The following FMN2 variants were observed in gnomAD, a reference collection of about 807,000 sequenced individuals.
The protein encoded by FMN2 is formin 2, also known as formin-2.
A neutral mutation model predicts 142.3 loss-of-function variants in FMN2; 51 were observed. That is an observed-to-expected ratio of 0.36 (90% CI 0.29 to 0.45). The LOEUF (loss-of-function observed/expected upper bound fraction) is 0.45. FMN2 is among the 20% of genes least tolerant of loss of function. The pLI is 1.00. For synonymous variants in FMN2, 882 were observed against 869.8 expected, an observed-to-expected ratio of 1.01 and a Z score of -0.25; for missense variants, 1,936 against 2,122.8, an observed-to-expected ratio of 0.91 and a Z score of 1.73.
chr1:240,188,225 C>T lies in FMN2; in HGVS notation c.1949C>T (p.Ser650Leu), dbSNP rs1665562262. Reference sequence around the variant, plus strand: ...AATCTAGAATCTCAATCTGCTGTTTCAGAAACTCCCCAAAAACGCTCAGAT... The same window carrying T: ...AATCTAGAATCTCAATCTGCTGTTTTAGAAACTCCCCAAAAACGCTCAGAT... ...DAETESQSAV[S>L]ETPQKRSDAV... The change falls in exon 4 of 18, where the codon TCA (serine) becomes TTA (leucine). Residue 650 changes from serine (S) to leucine (L), a missense_variant. Around this residue, in one of 8 missense-constraint regions of FMN2, gnomAD observed 478 missense variants for 462.8 expected, o/e 1.03. Transcript: ENST00000319653. The T allele has an allele frequency of 6.2e-7, 1 of 1,613,884 alleles. No homozygotes were observed. Among genetic ancestry groups the T allele is most frequent in the East Asian group, 2.2e-5 (1 of 44,856 alleles).
intron 1 of FMN2, among the ~76,000 whole-genome samples, chr1:240,106,483 T>C (rs1361432192): frequency 1.3e-5 from 2 of 152,170 alleles, no homozygotes; most frequent in African/African-American, 2.4e-5. Flanking sequence ...CCTGCTCCCT[T>C]ATGTATTATT....
chr1:240,170,040 G>GACATTCTGT (rs1664638692), intron 2 of FMN2: 1 of 571,354 alleles, frequency 1.8e-6, no homozygotes, highest in East Asian at 2.8e-5. Flanking sequence ...CACACAGATG[G>GACATTCTGT]ACATTCTGTC....
chr1:240,291,860 A>G (rs1669804861), intron 7 of FMN2, among the ~76,000 whole-genome samples: 2 of 152,186 alleles, frequency 1.3e-5, no homozygotes, highest in South Asian at 2.1e-4. Context: ...CTAATAGTTG[A>G]ATTTATGTGA....
chr1:240,143,725 G>C, intron 2 of FMN2: 1 of 1,558,578 alleles, frequency 6.4e-7, no homozygotes, highest in Non-Finnish European at 8.8e-7. Flanking sequence ...ACGAGCATAA[G>C]AGTCCTTGAG....
Position 240,426,417 on chromosome 1 carries a change from T to A in FMN2, c.4911-11644T>A, listed in dbSNP as rs973714428. Among the ~76,000 whole-genome samples the A allele has an allele frequency of 2.6e-5, 4 of 152,202 alleles. No homozygotes were observed. In the East Asian group the frequency reaches 7.7e-4, roughly 29 times the overall value. ...GCAATATTCTACCCTCTTAAAAATATTTCTAGAATGCCATTTTAAAAGATG... is the reference window on the plus strand; with the variant it reads ...GCAATATTCTACCCTCTTAAAAATAATTCTAGAATGCCATTTTAAAAGATG... On this transcript the variant is annotated intron_variant, in intron 15 of 17. Coordinates refer to ENST00000319653, the MANE Select transcript of FMN2 (RefSeq NM_020066.5).
intron 8 of FMN2, among the ~76,000 whole-genome samples, chr1:240,298,281 G>A (rs185820512): frequency 2.2e-4 from 34 of 152,226 alleles, no homozygotes; most frequent in Admixed American, 6.5e-4. Flanking sequence ...TGAAGGATCC[G>A]TTATGAACAA....
At chr1:240,329,558 C>T in intron 10 of FMN2, 90 bp downstream of exon 10, 1 of 1,481,686 alleles carries the variant, frequency 6.7e-7, no homozygotes, top group Non-Finnish European at 9.1e-7. Flanking sequence ...CTTTTATTTA[C>T]TCTAAGTACT....
chr1:240,413,149 A>G (rs558683646), intron 15 of FMN2, among the ~76,000 whole-genome samples: 1,610 of 135,518 alleles, frequency 0.012, 72 homozygotes, highest in African/African-American at 0.043. Flanking sequence ...AAAAAAAAAA[A>G]GCAGCAAATA....
At chr1:240,401,068 T>C (rs1390765442) in intron 15 of FMN2, 1 of 150,226 alleles carries the variant, frequency 6.7e-6, no homozygotes, top group Admixed American at 6.7e-5. Flanking sequence ...GAGGTTTCAG[T>C]GAGCTGAGAT....
intron 16 of FMN2, among the ~76,000 whole-genome samples, chr1:240,462,761 A>G (rs1449499060): frequency 6.6e-6 from 1 of 152,232 alleles, no homozygotes; most frequent in East Asian, 1.9e-4. Context: ...CACAGTAAAG[A>G]CACAGATAAA....
At chr1:240,281,754 AT>A (rs1207038168) in intron 7 of FMN2, among the ~76,000 whole-genome samples, 2 of 143,862 alleles carry the variant, frequency 1.4e-5, no homozygotes, top group Non-Finnish European at 3.0e-5. Flanking sequence ...AATATCACTC[AT>A]TTTTTGGTAA....
At chr1:240,241,206 T>C (rs1380375715) in intron 6 of FMN2, among the ~76,000 whole-genome samples, 1 of 151,812 alleles carries the variant, frequency 6.6e-6, no homozygotes, top group African/African-American at 2.4e-5. Context: ...TGGAATCACT[T>C]TGGTGTATTT....
At chr1:240,167,569 C>T (rs1664529452) in intron 2 of FMN2, among the ~76,000 whole-genome samples, 1 of 152,136 alleles carries the variant, frequency 6.6e-6, no homozygotes, top group African/African-American at 2.4e-5. Flanking sequence ...TTTAAATAAG[C>T]CCTTTTATTT....
intron 8 of FMN2, among the ~76,000 whole-genome samples, chr1:240,321,415 G>A (rs10754698): frequency 0.55 from 83,764 of 151,980 alleles, 23,997 homozygotes; most frequent in African/African-American, 0.71. Context: ...ATTACAGATG[G>A]TATTTTTAAA....
At chr1:240,432,739 G>A (rs1054132846) in intron 15 of FMN2, among the ~76,000 whole-genome samples, 1 of 151,466 alleles carries the variant, frequency 6.6e-6, no homozygotes, top group African/African-American at 2.4e-5. Context: ...ATTTCTTTTT[G>A]ATCCATGGGT....
At chr1:240,472,237 C>A in intron 16 of FMN2, 135 bp from the exon 17 acceptor site, 1 of 645,032 alleles carries the variant, frequency 1.6e-6, no homozygotes, top group Non-Finnish European at 2.7e-6. Flanking sequence ...TGTCAGATAA[C>A]ATTCTTCTGT....
At chr1:240,258,103 A>G (rs1396910937) in intron 7 of FMN2, 71 bp downstream of exon 7, 38 of 1,199,164 alleles carry the variant, frequency 3.2e-5, no homozygotes, top group Middle Eastern at 2.4e-4. Flanking sequence ...GTTTGTTGGT[A>G]ATGTTATTTC....
At chr1:240,099,091 G>A (rs1027416066) in intron 1 of FMN2, among the ~76,000 whole-genome samples, 3 of 152,034 alleles carry the variant, frequency 2.0e-5, no homozygotes, top group Admixed American at 1.3e-4. Context: ...CTATTAAGAT[G>A]AAATGAAATA....
At chr1:240,334,335 A>C in intron 13 of FMN2, 106 bp downstream of exon 13, 1 of 1,318,066 alleles carries the variant, frequency 7.6e-7, no homozygotes, top group East Asian at 2.5e-5. Context: ...ATCTTTATAG[A>C]ACTAAATTTG....
Sources: allele counts gnomAD v4.1 joint callset (sites outside exome capture counted in the v4.1 genomes callset), GRCh38; gene constraint gnomAD v4.1.1; regional missense constraint gnomAD v4.1.1; transcripts MANE v1.5; gene names NCBI Gene and HGNC (gene_info 2026-07-23, HGNC 2026-07-21).